Variants in FBXW9 observed in about 807,000 individuals in gnomAD.
FBXW9 encodes F-box and WD repeat domain containing 9.
A neutral mutation model predicts 55.8 loss-of-function variants in FBXW9; 38 were observed. The ratio of observed to expected loss-of-function variants is 0.68; its 90% CI spans 0.53 to 0.89. The LOEUF is 0.89. Among genes scored for constraint, FBXW9 ranks in the 40% least tolerant of loss-of-function variants. The probability of loss-of-function intolerance (pLI) is 0.00; values close to 1 mark genes in which losing one functional copy is unlikely to be tolerated. For synonymous variants in FBXW9, 289 were observed against 278.2 expected, an observed-to-expected ratio of 1.04 and a Z score of -0.38; for missense variants, 590 against 619.4, an observed-to-expected ratio of 0.95 and a Z score of 0.50.
rs151118454 is a variant in FBXW9, at chr19:12,696,501, G to T, written c.81C>A (p.Asp27Glu). 4.1e-4 allele frequency: 655 copies of T among 1,612,844 alleles called. 3 individuals are homozygous for T. Among genetic ancestry groups the T allele is most frequent in the Admixed American group, 1.2e-3 (71 of 60,020 alleles). ...GGGCCACGTAGGCCTTGGCCTGCGC[G>T]TCTGGGTCTGTCTCTGACTCTGGGT... is the stretch of plus-strand genomic sequence containing the variant. ...DSDPESETDP[D>E]AQAKAYVARV... Residue 27 changes from aspartate (D) to glutamate (E), a missense_variant, in exon 1 of 10, where the codon GAC becomes GAA. By Grantham distance (45) the Asp-to-Glu change is conservative. Transcript: ENST00000393261.
chr19:12,696,567 T>C lies in FBXW9; in HGVS notation c.15A>G (p.Leu5=), dbSNP rs979627663. The change falls in exon 1 of 10, where the codon CTA becomes CTG. Residue 5 remains leucine (L), a synonymous_variant. Transcript: ENST00000393261. ...AGGTGCGGGAATCATCGCACCGCCC[T>C]AGGGGAAGCTCCATTGCGACCGGGT... MELP[L]GRCDDSRTWD... The C allele has an allele frequency of 6.2e-7, 1 of 1,610,432 alleles. No individual in the cohort carries two copies. The highest frequency in any genetic ancestry group is 1.7e-4 in the Middle Eastern group (1 of 6,058).
In FBXW9 at chr19:12,694,847, G is replaced by T. The variant is rs1173187342; in HGVS notation, c.501C>A (p.Cys167Ter). The T allele has an allele frequency of 6.2e-7, 1 of 1,614,102 alleles. No homozygotes were observed. Among genetic ancestry groups the T allele is most frequent in the Non-Finnish European group, 8.5e-7 (1 of 1,180,024 alleles). ...AEDGRWVEYF[C>*]LAEGHVASVD... ...CGGAAGCCACGTGGCCTTCGGCCAG[G>T]CAGAAGTATTCGACCCAGCGCCCAT... The change falls in exon 2 of 10, where the codon TGC (cysteine) becomes TGA (stop). Residue 167 changes from cysteine to a stop codon, truncating the protein, a stop_gained. Transcript: ENST00000393261. LOFTEE classifies it high-confidence loss of function.
In FBXW9 at chr19:12,696,296, C is replaced by G. The variant is rs548297496; in HGVS notation, c.286G>C (p.Ala96Pro). The change falls in exon 1 of 10, where the codon GCC becomes CCC. Residue 96 changes from alanine (A) to proline (P), a missense_variant. Coordinates refer to ENST00000393261, the MANE Select transcript of FBXW9 (RefSeq NM_032301.3). ...GACAGGACGTGGAGCACGAGGCGGG[C>G]GTCCAGGTAGGAGCAGATCTCGAGC... ...LLLEICSYLD[A>P]RLVLHVLSRV... is the part of the protein sequence containing the mutation. 1.3e-6 allele frequency: 2 copies of G among 1,577,640 alleles called. No individual in the cohort carries two copies. Among genetic ancestry groups the G allele is most frequent in the Non-Finnish European group, 1.7e-6 (2 of 1,162,380 alleles).
At position 12,689,587 on chromosome 19, in the gene FBXW9, T is replaced by C; in HGVS notation, c.1190A>G (p.Tyr397Cys). Residue 397 changes from tyrosine to cysteine, a missense_variant, in exon 8 of 10, where the codon TAC (tyrosine) becomes TGC (cysteine). Coordinates refer to ENST00000393261, the MANE Select transcript of FBXW9 (RefSeq NM_032301.3). This position sits in a 1 kb window ranked among gnomAD's most constrained non-coding sequence, Gnocchi z 5.9. ...GHSFPITGIQ[Y>C]SVGALYTTST... ...TGTGGTGTACAAGGCTCCCACGGAG[T>C]ACTGGATCCCAGTGATGGGAAAGCT... 1 of 1,613,844 alleles carries C rather than the reference T, an allele frequency of 6.2e-7. No individual in the cohort carries two copies.
chr19:12,689,659 G>A lies in FBXW9; in HGVS notation c.1147-29C>T. The A allele has an allele frequency of 6.2e-7, 1 of 1,612,228 alleles. No homozygotes were observed. The highest frequency in any genetic ancestry group is 8.5e-7 in the Non-Finnish European group (1 of 1,178,470). ...CAGGAGGAGGATCAGGCAACACTCA[G>A]TCGAGGCTCTCCCAAGGCCCGCCCT... On this transcript the variant is annotated intron_variant, in intron 7 of 9. Transcript: ENST00000393261. This position sits in a 1 kb window ranked among gnomAD's most constrained non-coding sequence, Gnocchi z 5.9.
At chr19:12,690,831 C>T (rs1057410895) in intron 5 of FBXW9, among the ~76,000 whole-genome samples, 1 of 152,120 alleles carries the variant, frequency 6.6e-6, no homozygotes, top group Non-Finnish European at 1.5e-5. Context: ...AGTTAATCCA[C>T]CACTGTTCCT....
intron 5 of FBXW9, 72 bp from the exon 6 acceptor site, chr19:12,690,182 T>A: frequency 6.3e-7 from 1 of 1,594,894 alleles, no homozygotes; most frequent in South Asian, 1.1e-5. Context: ...CATGAGAGCA[T>A]CCCGGGTCTC....
chr19:12,691,352 C>G lies in FBXW9; in HGVS notation c.781G>C (p.Gly261Arg), dbSNP rs201814904. The change falls in exon 4 of 10, where the codon GGC becomes CGC. Residue 261 changes from glycine (G) to arginine (R), a missense_variant. Coordinates refer to ENST00000393261, the MANE Select transcript of FBXW9 (RefSeq NM_032301.3). ...WDMAADGQQFGEIKASSAVLC... is the reference protein window; with the variant it reads ...WDMAADGQQFREIKASSAVLC... ...CAGGCCCCCACACACTTTATCTCGC[C>G]GAACTGCTGCCCATCCGCTGCCATG... The G allele has an allele frequency of 1.1e-5, 18 of 1,613,750 alleles. No homozygotes were observed. The Admixed American group carries it at 2.2e-4, about 19-fold the overall frequency.
intron 5 of FBXW9, among the ~76,000 whole-genome samples, chr19:12,690,436 G>A (rs535230908): frequency 2.6e-5 from 4 of 152,106 alleles, no homozygotes; most frequent in East Asian, 3.9e-4. Flanking sequence ...CCGCAGCCCC[G>A]CTCCAGCTCT....
chr19:12,696,178 A>C lies in FBXW9; in HGVS notation c.404T>G (p.Val135Gly), dbSNP rs2025067542. Reference sequence around the variant, plus strand: ...CGGCCCCCGGCCCCGCGCACCTTCCACCACTGGGTAGGGCGCGCGTACGCG... The same window carrying C: ...CGGCCCCCGGCCCCGCGCACCTTCCCCCACTGGGTAGGGCGCGCGTACGCG... ...LRRVRAPYPVVEEKNFDWPAA... is the reference protein window; with the variant it reads ...LRRVRAPYPVGEEKNFDWPAA... The change falls in exon 1 of 10, where the codon GTG becomes GGG. Residue 135 changes from valine (V) to glycine (G), a missense_variant. Coordinates refer to ENST00000393261, the MANE Select transcript of FBXW9 (RefSeq NM_032301.3). 1 of 1,528,164 alleles carries C rather than the reference A, an allele frequency of 6.5e-7. No individual in the cohort carries two copies. Among genetic ancestry groups the C allele is most frequent in the Non-Finnish European group, 8.8e-7 (1 of 1,142,144 alleles). The allele number at this position is 1,528,164 out of a possible 1,614,324, so 94.7% of individuals were successfully genotyped here.
chr19:12,691,289 G>A (rs1440383919), intron 4 of FBXW9, 32 bp from the exon 5 acceptor site: 6 of 1,613,704 alleles, frequency 3.7e-6, no homozygotes, highest in African/African-American at 1.3e-5. Flanking sequence ...GGCTTTGGCT[G>A]TGGCCAGACA....
Position 12,691,439 on chromosome 19 carries a change from G to C in FBXW9, c.694C>G (p.Leu232Val). 6.3e-7 allele frequency: 1 copy of C among 1,582,986 alleles called. No homozygotes were observed. Among genetic ancestry groups the C allele is most frequent in the Non-Finnish European group, 8.6e-7 (1 of 1,165,954 alleles). Residue 232 changes from leucine to valine, a missense_variant, in exon 4 of 10, where the codon CTG becomes GTG. By Grantham distance (32) the Leu-to-Val change is conservative (BLOSUM62 1). Transcript: ENST00000393261. ...CACACGCGGTGGTCCTGCGCTGCCAGTGACCACACCCAGCCCTGCAGGACA... is the reference window on the plus strand; with the variant it reads ...CACACGCGGTGGTCCTGCGCTGCCACTGACCACACCCAGCCCTGCAGGACA... ...NSTHEGWVWS[L>V]AAQDHRVCSG...
In FBXW9 at chr19:12,696,247, T is replaced by C; in HGVS notation, c.335A>G (p.Asp112Gly). 6.4e-7 allele frequency: 1 copy of C among 1,564,170 alleles called. No homozygotes were observed. Among genetic ancestry groups the C allele is most frequent in the Non-Finnish European group, 8.7e-7 (1 of 1,155,292 alleles). Residue 112 changes from aspartate (D) to glycine (G), a missense_variant, in exon 1 of 10, where the codon GAC (aspartate) becomes GGC (glycine). Transcript: ENST00000393261. The stretch of plus-strand genomic sequence containing the variant: ...CCAGGTGACATGGTCAGACACGAGG[T>C]CGCGGAGCGCGTGGCACACCCGCGA... ...VLSRVCHALR[D>G]LVSDHVTWRL...
intron 1 of FBXW9, among the ~76,000 whole-genome samples, chr19:12,695,711 G>T (rs1011752093): frequency 1.3e-5 from 2 of 152,136 alleles, no homozygotes; most frequent in Non-Finnish European, 2.9e-5. Flanking sequence ...CTGGGTCAAG[G>T]CTCTAGGGCT....
At chr19:12,694,465 C>T in intron 3 of FBXW9, 129 bp downstream of exon 3, 1 of 986,682 alleles carries the variant, frequency 1.0e-6, no homozygotes, top group Non-Finnish European at 1.4e-6. Context: ...AGTCACACAT[C>T]TCACTCAAAG....
chr19:12,689,844 G>A lies in FBXW9; in HGVS notation c.1063C>T (p.Gln355Ter). The change falls in exon 7 of 10, where the codon CAG (glutamine) becomes TAG (stop). Residue 355 changes from glutamine to a stop codon, truncating the protein, a stop_gained. Transcript: ENST00000393261. LOFTEE classifies it high-confidence loss of function. This position sits in a 1 kb window ranked among gnomAD's most constrained non-coding sequence, Gnocchi z 5.9. ...LDSYLLCMSY[Q>*]EPQLWAGDNQ... ...TCACCAGCCCAGAGCTGGGGTTCCT[G>A]GTAGGACATGCAGAGCAGGTAGGAG... The A allele has an allele frequency of 1.2e-6, 2 of 1,614,134 alleles. No individual in the cohort carries two copies. The highest frequency in any genetic ancestry group is 1.7e-6 in the Non-Finnish European group (2 of 1,180,008).
rs1481218511 is a variant in FBXW9, at chr19:12,696,154, G to A, written c.409+19C>T. ...CGGGCGCCCCCGGCCCCCGGTCCCC[G>A]GCCCCCGGCCCCGCGCACCTTCCAC... On this transcript the variant is annotated intron_variant, in intron 1 of 9. Coordinates refer to ENST00000393261, the MANE Select transcript of FBXW9 (RefSeq NM_032301.3). 2.8e-5 allele frequency: 38 copies of A among 1,334,036 alleles called. No individual in the cohort carries two copies. The highest frequency in any genetic ancestry group is 1.6e-4 in the East Asian group (5 of 31,862). The allele number at this position is 1,334,036 out of a possible 1,614,324, so 82.6% of individuals were successfully genotyped here. A position where few individuals can be genotyped will look rare whatever the true frequency, so the allele number is the denominator to read the frequency against.
intron 3 of FBXW9, among the ~76,000 whole-genome samples, chr19:12,693,555 TATATATACACACACACACACACACACAC>T (rs1159605601): frequency 8.8e-4 from 18 of 20,520 alleles, no homozygotes; most frequent in African/African-American, 3.4e-3. Context: ...TATATATATA[TATATATACACACACACACACACACACAC>T]ACACACACAC....
chr19:12,689,429 C>G lies in FBXW9; in HGVS notation c.1245G>C (p.Val415=). ...AAATGGTCCTTGGTGGGTCTGTGGG[C>G]ACGTGCACCTAGTGAGGGGCAATGG... ...TSTDKTIRVH[V]PTDPPRTICT... Residue 415 remains valine (V), a synonymous_variant, in exon 9 of 10, where the codon GTG becomes GTC. Transcript: ENST00000393261. The surrounding 1 kb of genome is among the most constrained non-coding windows in gnomAD (Gnocchi z 5.9). 1 of 1,614,110 alleles carries G rather than the reference C, an allele frequency of 6.2e-7. No individual in the cohort carries two copies. The highest frequency in any genetic ancestry group is 8.5e-7 in the Non-Finnish European group (1 of 1,180,016).
Sources: gnomAD v4.1 joint callset for allele counts (sites outside exome capture counted in the v4.1 genomes callset) on GRCh38, gnomAD v4.1.1 for gene constraint, Gnocchi (gnomAD v3.1) non-coding constraint, MANE v1.5 for transcripts, NCBI Gene and HGNC (gene_info 2026-07-23, HGNC 2026-07-21) for gene names.